Variants in ZFYVE9 observed in about 807,000 individuals in gnomAD.
The protein encoded by ZFYVE9 is zinc finger FYVE-type containing 9, also known as zinc finger FYVE domain-containing protein 9.
A neutral mutation model predicts 126.7 loss-of-function variants in ZFYVE9; 43 were observed. The observed-to-expected ratio is 0.34, with a 90% CI of 0.27 to 0.44. The LOEUF (loss-of-function observed/expected upper bound fraction) is 0.44, where lower values mean the gene tolerates loss of function less well. Ranked by LOEUF, ZFYVE9 falls within the 20% of genes least tolerant of loss-of-function variation. The pLI is 1.00. For missense variants in ZFYVE9, 1,476 were observed against 1,697.0 expected, an observed-to-expected ratio of 0.87 and a Z score of 2.29; for synonymous variants, 521 against 597.4, an observed-to-expected ratio of 0.87 and a Z score of 1.87.
At position 52,238,523 on chromosome 1, in the gene ZFYVE9, C is replaced by G. The variant is rs775335100; in HGVS notation, c.1106C>G (p.Ala369Gly). 6.2e-7 allele frequency: 1 copy of G among 1,613,778 alleles called. No homozygotes were observed. Among genetic ancestry groups the G allele is most frequent in the Non-Finnish European group, 8.5e-7 (1 of 1,179,960 alleles). Residue 369 changes from alanine to glycine, a missense_variant, in exon 4 of 19, where the codon GCT (alanine) becomes GGT (glycine). Transcript: ENST00000287727. ...SDCLVPNEVR[A>G]DENEGYEHEE... ...TGCCTTGTGCCTAATGAAGTTAGGG[C>G]TGATGAAAATGAAGGTTATGAACAT...
intron 13 of ZFYVE9, among the ~76,000 whole-genome samples, chr1:52,312,152 G>A (rs1287844422): frequency 6.6e-6 from 1 of 152,166 alleles, no homozygotes; most frequent in Non-Finnish European, 1.5e-5. Flanking sequence ...CTTGTAGGAT[G>A]TATCTAACTT....
At chr1:52,199,189 C>T (rs1054669098) in intron 1 of ZFYVE9, among the ~76,000 whole-genome samples, 1 of 152,078 alleles carries the variant, frequency 6.6e-6, no homozygotes, top group Non-Finnish European at 1.5e-5. Flanking sequence ...CCTCAGCCTC[C>T]CGAGTAGCTG....
chr1:52,274,661 A>G, intron 8 of ZFYVE9, 77 bp downstream of exon 8: 1 of 1,430,858 alleles, frequency 7.0e-7, no homozygotes, highest in Non-Finnish European at 9.4e-7. Context: ...GAGAGACAGA[A>G]TTTGAGTGAC....
intron 1 of ZFYVE9, among the ~76,000 whole-genome samples, chr1:52,159,104 T>A (rs1644430755): frequency 1.3e-5 from 2 of 152,178 alleles, no homozygotes; most frequent in African/African-American, 4.8e-5. Context: ...TCTTGTATGT[T>A]TTGTGTTCCC....
chr1:52,302,016 G>C (rs918881153), intron 12 of ZFYVE9, among the ~76,000 whole-genome samples: 5 of 152,048 alleles, frequency 3.3e-5, no homozygotes, highest in African/African-American at 1.2e-4. Context: ...AGTTATACTT[G>C]GGTCTTTTAA....
At chr1:52,326,091 C>T (rs1557521271) in intron 13 of ZFYVE9, among the ~76,000 whole-genome samples, 1 of 152,214 alleles carries the variant, frequency 6.6e-6, no homozygotes, top group East Asian at 1.9e-4. Context: ...TTTAGCTCAG[C>T]TTGCTCAGTG....
chr1:52,303,794 A>G (rs780675136), intron 12 of ZFYVE9, 27 bp from the exon 13 acceptor site: 2 of 1,455,142 alleles, frequency 1.4e-6, no homozygotes, highest in Non-Finnish European at 1.8e-6. Context: ...GAATTAATTT[A>G]TTCTGCTTCA....
chr1:52,337,647 C>A, intron 15 of ZFYVE9, 125 bp from the exon 16 acceptor site: 1 of 1,088,874 alleles, frequency 9.2e-7, no homozygotes, highest in Non-Finnish European at 1.3e-6. Context: ...GCTCAAAGAG[C>A]AAAACCTCTG....
chr1:52,240,104 C>T (rs906901795), intron 4 of ZFYVE9, among the ~76,000 whole-genome samples: 2 of 152,146 alleles, frequency 1.3e-5, no homozygotes, highest in South Asian at 4.1e-4. Context: ...TACACATGCA[C>T]ACATATTTTT....
In ZFYVE9 at chr1:52,233,393, T is replaced by C. The variant is rs41294490; in HGVS notation, c.70+117T>C. On this transcript the variant is annotated intron_variant, in intron 3 of 18. Coordinates refer to ENST00000287727, the MANE Select transcript of ZFYVE9 (RefSeq NM_004799.4). ...GTCTGATGACTTAATGATAGTAATA[T>C]TATTTAATAATATACAGGGGAAGAA... The C allele has an allele frequency of 3.3e-3, 1,772 of 540,718 alleles. 8 individuals carry two copies. The highest frequency in any genetic ancestry group is 4.5e-3 in the Non-Finnish European group (1,552 of 344,068). 33.5% of individuals were successfully genotyped at this position (540,718 alleles called of 1,614,324 possible). A position where few individuals can be genotyped will look rare whatever the true frequency, so the allele number is the denominator to read the frequency against.
intron 2 of ZFYVE9, 50 bp downstream of exon 2, chr1:52,216,524 G>T: frequency 2.5e-6 from 1 of 398,164 alleles, no homozygotes; most frequent in South Asian, 1.3e-4. Flanking sequence ...AGAAACCAAT[G>T]AGATCTATAG....
At chr1:52,279,823 C>T (rs569992907) in intron 9 of ZFYVE9, among the ~76,000 whole-genome samples, 2 of 152,206 alleles carry the variant, frequency 1.3e-5, no homozygotes, top group East Asian at 3.9e-4. Flanking sequence ...TGTTAATAGG[C>T]AATTTTAAAG....
intron 4 of ZFYVE9, among the ~76,000 whole-genome samples, chr1:52,246,117 C>A (rs1339670753): frequency 1.3e-5 from 2 of 151,940 alleles, no homozygotes; most frequent in African/African-American, 4.8e-5. Flanking sequence ...TTGGTAGAGA[C>A]AGGATTTCAC....
intron 1 of ZFYVE9, chr1:52,179,996 A>G: frequency 2.2e-6 from 2 of 898,708 alleles, no homozygotes; most frequent in East Asian, 4.8e-5. Context: ...TGACTTTGGA[A>G]GAGCTGGAGG....
At chr1:52,320,645 T>C (rs1646230520) in intron 13 of ZFYVE9, among the ~76,000 whole-genome samples, 1 of 152,226 alleles carries the variant, frequency 6.6e-6, no homozygotes, top group Admixed American at 6.5e-5. Flanking sequence ...AAATGGTTCA[T>C]AGATTTATAC....
chr1:52,284,532 G>T (rs1464302534), intron 10 of ZFYVE9, among the ~76,000 whole-genome samples: 2 of 151,404 alleles, frequency 1.3e-5, no homozygotes. Context: ...CCATTCTCCT[G>T]CCCCAGCCTC....
rs75356792 is a variant in ZFYVE9 at position 52,278,124 on chromosome 1, G to A, written c.2747-368G>A. ...GTAACTAGTATATTATCACTTTCTT[G>A]TATATCATGAGTTATTTTAAATGCT... On this transcript the variant is annotated intron_variant, in intron 8 of 18. Transcript: ENST00000287727. Among the ~76,000 whole-genome samples, 630 of 151,890 alleles carry A rather than the reference G, an allele frequency of 4.1e-3. 15 individuals are homozygous for A. The East Asian group carries it at 0.042, about 10-fold the overall frequency.
At chr1:52,274,367 C>G in intron 7 of ZFYVE9, 97 bp from the exon 8 acceptor site, 1 of 1,392,052 alleles carries the variant, frequency 7.2e-7, no homozygotes, top group Non-Finnish European at 9.6e-7. Flanking sequence ...GTATGAATTT[C>G]AGATTTTCAC....
chr1:52,283,346 C>T (rs78253772), intron 10 of ZFYVE9, among the ~76,000 whole-genome samples: 2,856 of 152,112 alleles, frequency 0.019, 41 homozygotes, highest in Non-Finnish European at 0.03. Context: ...ATTCTGTAGG[C>T]AATGAAGAAC....
Sources: gnomAD v4.1 joint callset for allele counts (sites outside exome capture counted in the v4.1 genomes callset) on GRCh38, gnomAD v4.1.1 for gene constraint, MANE v1.5 for transcripts, NCBI Gene and HGNC (gene_info 2026-07-23, HGNC 2026-07-21) for gene names.